WDFY4: variants seen among roughly 807,000 people sequenced by gnomAD.
WDFY4 encodes WDFY family member 4.
Under a neutral mutation model 351.9 loss-of-function variants are expected in WDFY4, and 169 were observed. The observed-to-expected ratio is 0.48, with a 90% CI of 0.42 to 0.55. The LOEUF is 0.55. WDFY4 is among the 20% of genes least tolerant of loss of function. WDFY4 has a pLI of 0.00. For missense variants in WDFY4, 3,803 were observed against 3,935.6 expected, an observed-to-expected ratio of 0.97 and a Z score of 0.90; for synonymous variants, 1,622 against 1,574.6, an observed-to-expected ratio of 1.03 and a Z score of -0.71.
In WDFY4 at chr10:48,793,784, T is replaced by C. The variant is rs2066761769; in HGVS notation, c.4258-2514T>C. On this transcript the variant is annotated intron_variant, in intron 23 of 61. Coordinates refer to ENST00000325239, the MANE Select transcript of WDFY4 (RefSeq NM_001394531.1). ...ATGAAAACAGGGGTCTTCAATTAAG[T>C]GGCTTGCTCAGGAGTGGATTTCATC... is the stretch of plus-strand genomic sequence containing the variant. 2.0e-5 allele frequency among the ~76,000 whole-genome samples: 3 copies of C among 152,194 alleles called. No individual in the cohort carries two copies. The South Asian group carries it at 6.2e-4, about 32-fold the overall frequency.
rs575137630 is a variant in WDFY4, at chr10:48,743,491, G to C, written c.2402G>C (p.Gly801Ala). 6 of 1,544,216 alleles carry C rather than the reference G, an allele frequency of 3.9e-6. No homozygotes were observed. The East Asian group carries it at 9.8e-5, about 25-fold the overall frequency. ...KQGPVVDVQK[G>A]ETGSDPQRNF... ...GGGCCGGTTGTGGATGTTCAGAAGG[G>C]AGAAACTGGCAGTGACCCCCAACGC... The change falls in exon 12 of 62, where the codon GGA becomes GCA. Residue 801 changes from glycine to alanine, a missense_variant. Transcript: ENST00000325239.
chr10:48,877,968 A>G (rs2070096244), intron 43 of WDFY4: 2 of 152,288 alleles, frequency 1.3e-5, no homozygotes, highest in Non-Finnish European at 2.9e-5. Flanking sequence ...TTGGCCACAT[A>G]TTAAACCGCA....
At chr10:48,913,240 A>C in intron 47 of WDFY4, 2 of 733,506 alleles carry the variant, frequency 2.7e-6, no homozygotes, top group Non-Finnish European at 4.6e-6. Flanking sequence ...ACACAATCAC[A>C]CGCCGAGAAA....
chr10:48,702,258 T>C (rs1418193569), intron 1 of WDFY4, among the ~76,000 whole-genome samples: 1 of 152,072 alleles, frequency 6.6e-6, no homozygotes, highest in Non-Finnish European at 1.5e-5. Context: ...AGCAGCTCCA[T>C]AGCTCAGAAC....
At chr10:48,764,902 C>T (rs1468635320) in intron 13 of WDFY4, among the ~76,000 whole-genome samples, 1 of 152,122 alleles carries the variant, frequency 6.6e-6, no homozygotes, top group Non-Finnish European at 1.5e-5. Context: ...CCTTGGGACA[C>T]AGGAGAGGGA....
In WDFY4 at chr10:48,974,908, T is replaced by C; in HGVS notation, c.8975T>C (p.Val2992Ala). 1 of 1,551,188 alleles carries C rather than the reference T, an allele frequency of 6.4e-7. No individual in the cohort carries two copies. The highest frequency in any genetic ancestry group is 8.7e-7 in the Non-Finnish European group (1 of 1,146,636). ...GCTGTCACGTGCCTGGCAGCGTCAG[T>C]CACCTTCAGCCTCCTGGTGAGCGGC... ...TQAVTCLAAS[V>A]TFSLLVSGSQ... is the part of the protein sequence containing the mutation. Residue 2992 changes from valine to alanine, a missense_variant, in exon 58 of 62, where the codon GTC becomes GCC. Val to Ala is a moderately conservative substitution (Grantham distance 64, BLOSUM62 0). This residue lies in a region of WDFY4 where 3,054 missense variants were observed against 3,148.6 expected (regional missense o/e 0.97). Transcript: ENST00000325239.
chr10:48,929,803 G>A (rs979662605), intron 47 of WDFY4, among the ~76,000 whole-genome samples: 2 of 152,114 alleles, frequency 1.3e-5, no homozygotes, highest in African/African-American at 4.8e-5. Flanking sequence ...CGGCTGGGCT[G>A]ACAGCCTTGG....
At chr10:48,920,094 T>C (rs1838917495) in intron 47 of WDFY4, among the ~76,000 whole-genome samples, 1 of 151,544 alleles carries the variant, frequency 6.6e-6, no homozygotes, top group South Asian at 2.1e-4. Flanking sequence ...AATCAGTTAA[T>C]GTAACATACC....
intron 1 of WDFY4, among the ~76,000 whole-genome samples, chr10:48,688,836 T>C (rs1263879625): frequency 6.6e-6 from 1 of 152,032 alleles, no homozygotes; most frequent in East Asian, 1.9e-4. Flanking sequence ...ACATTTTAGG[T>C]ATAGAGCATG....
At chr10:48,981,568 T>C (rs1842807097) in intron 61 of WDFY4, 90 bp downstream of exon 61, 4 of 1,276,826 alleles carry the variant, frequency 3.1e-6, no homozygotes, top group African/African-American at 1.5e-5. Flanking sequence ...CCAGGCCACC[T>C]GGCCGAGGAG....
intron 43 of WDFY4, among the ~76,000 whole-genome samples, chr10:48,882,277 G>A (rs73294617): frequency 6.6e-6 from 1 of 152,192 alleles, no homozygotes; most frequent in Non-Finnish European, 1.5e-5. Flanking sequence ...ACCATGGAGG[G>A]AGCAGCCAGT....
At chr10:48,829,996 T>TTA (rs2068133898) in intron 37 of WDFY4, among the ~76,000 whole-genome samples, 1 of 152,176 alleles carries the variant, frequency 6.6e-6, no homozygotes, top group Non-Finnish European at 1.5e-5. Context: ...CCAGTAGAGC[T>TTA]GGGCTGGGCA....
intron 54 of WDFY4, among the ~76,000 whole-genome samples, chr10:48,966,090 G>A (rs1328177651): frequency 6.6e-6 from 1 of 152,174 alleles, no homozygotes; most frequent in Non-Finnish European, 1.5e-5. Flanking sequence ...TTGTGTTGAT[G>A]CTTAATGAGC....
intron 53 of WDFY4, 102 bp downstream of exon 53, chr10:48,959,915 G>A (rs1841782737): frequency 2.8e-6 from 3 of 1,067,376 alleles, no homozygotes; most frequent in East Asian, 2.6e-5. Flanking sequence ...GACCAGCACT[G>A]TGAGGCTCAT....
At chr10:48,865,206 T>G (rs2069500514) in intron 39 of WDFY4, among the ~76,000 whole-genome samples, 1 of 152,218 alleles carries the variant, frequency 6.6e-6, no homozygotes, top group South Asian at 2.1e-4. Context: ...GTGGACTTTT[T>G]GTAGTTACCC....
At chr10:48,853,562 A>G (rs2069027754) in intron 39 of WDFY4, among the ~76,000 whole-genome samples, 1 of 152,214 alleles carries the variant, frequency 6.6e-6, no homozygotes, top group Non-Finnish European at 1.5e-5. Context: ...GTCCTAAGAG[A>G]GTGCCTTGCT....
intron 7 of WDFY4, among the ~76,000 whole-genome samples, chr10:48,728,417 C>T (rs1261792469): frequency 6.6e-6 from 1 of 152,206 alleles, no homozygotes; most frequent in Non-Finnish European, 1.5e-5. Context: ...GGCCCAAGCT[C>T]CTCTGCTGAT....
intron 47 of WDFY4, among the ~76,000 whole-genome samples, chr10:48,941,450 C>T (rs916551060): frequency 2.0e-5 from 3 of 152,020 alleles, no homozygotes; most frequent in Non-Finnish European, 2.9e-5. Flanking sequence ...AACAAGGGGT[C>T]GGGGCAGGGA....
intron 43 of WDFY4, 44 bp downstream of exon 43, chr10:48,877,243 T>G: frequency 1.3e-6 from 2 of 1,516,982 alleles, no homozygotes; most frequent in Non-Finnish European, 1.8e-6. Context: ...TTTAAGTTAG[T>G]TGTTAAGATT....
Sources: gnomAD v4.1 joint callset for allele counts (sites outside exome capture counted in the v4.1 genomes callset) on GRCh38, gnomAD v4.1.1 for gene constraint, gnomAD v4.1.1 regional missense constraint, MANE v1.5 for transcripts, NCBI Gene and HGNC (gene_info 2026-07-23, HGNC 2026-07-21) for gene names.